The following PDE5A variants were observed in gnomAD, a reference collection of about 807,000 sequenced individuals.
The protein encoded by PDE5A is cGMP-specific 3',5'-cyclic phosphodiesterase.
A neutral mutation model predicts 110.2 loss-of-function variants in PDE5A; 67 were observed. That is an observed-to-expected ratio of 0.61 (90% CI 0.50 to 0.75). The LOEUF (loss-of-function observed/expected upper bound fraction) is 0.75. PDE5A is among the 30% of genes least tolerant of loss of function. PDE5A has a pLI of 0.00. For missense variants in PDE5A, 862 were observed against 1,045.1 expected, an observed-to-expected ratio of 0.82 and a Z score of 2.42; for synonymous variants, 328 against 351.2, an observed-to-expected ratio of 0.93 and a Z score of 0.74.
chr4:119,624,425 C>T (rs1445186559), intron 1 of PDE5A, among the ~76,000 whole-genome samples: 3 of 152,070 alleles, frequency 2.0e-5, no homozygotes, highest in African/African-American at 4.8e-5. Flanking sequence ...AAATGAAGGA[C>T]GGAATTCCAA....
chr4:119,615,257 C>T (rs935666235), intron 1 of PDE5A, among the ~76,000 whole-genome samples: 1 of 152,190 alleles, frequency 6.6e-6, no homozygotes, highest in Non-Finnish European at 1.5e-5. Flanking sequence ...TCTTCTGGCT[C>T]CTTCACTCAC....
intron 1 of PDE5A, among the ~76,000 whole-genome samples, chr4:119,610,425 T>G (rs1029415210): frequency 4.6e-5 from 7 of 152,212 alleles, no homozygotes; most frequent in Non-Finnish European, 1.0e-4. Flanking sequence ...CATATAAAAA[T>G]AGACATTTTA....
chr4:119,537,031 G>T (rs1465128904), intron 11 of PDE5A, among the ~76,000 whole-genome samples: 1 of 152,104 alleles, frequency 6.6e-6, no homozygotes, highest in East Asian at 1.9e-4. Context: ...GTATCCTCTT[G>T]TTTGGGCAAA....
intron 11 of PDE5A, among the ~76,000 whole-genome samples, chr4:119,534,885 G>A (rs991645903): frequency 1.3e-5 from 2 of 152,116 alleles, no homozygotes; most frequent in African/African-American, 4.8e-5. Context: ...GGAAGTTTTT[G>A]GCTCTGAAAG....
At chr4:119,565,458 A>T (rs762681729) in intron 4 of PDE5A, 48 bp from the exon 5 acceptor site, 1 of 1,225,334 alleles carries the variant, frequency 8.2e-7, no homozygotes, top group South Asian at 1.2e-5. Context: ...AAAACAGTCT[A>T]GTTACATTGC....
At position 119,542,561 on chromosome 4, in the gene PDE5A, CTG is replaced by C. The variant is rs1225724565; in HGVS notation, c.1468_1469del (p.Gln490ValfsTer20). On this transcript the variant is annotated frameshift_variant, in exon 10 of 21. Transcript: ENST00000354960. LOFTEE classifies it high-confidence loss of function. Reference protein sequence around the residue: ...KVKPFNRNDEQFLEAFVIFCG... With the variant: ...KVKPFNRNDEXFLEAFVIFCG... ...AAAAGATGACAAAAGCTTCCAGAAA[CTG>C]TTCGTCATTTCGGTTGAAAGGCTTA... The C allele has an allele frequency of 1.2e-6, 2 of 1,613,912 alleles. No individual in the cohort carries two copies. The highest frequency in any genetic ancestry group is 1.3e-5 in the African/African-American group (1 of 74,904).
chr4:119,512,095 A>G (rs558458245), intron 14 of PDE5A, among the ~76,000 whole-genome samples: 3 of 152,250 alleles, frequency 2.0e-5, no homozygotes, highest in African/African-American at 7.2e-5. Flanking sequence ...TATCTGAACG[A>G]TTATTTTACT....
intron 3 of PDE5A, among the ~76,000 whole-genome samples, chr4:119,567,946 T>C (rs1728001247): frequency 7.0e-6 from 1 of 143,030 alleles, no homozygotes; most frequent in Non-Finnish European, 1.6e-5. Flanking sequence ...TATTATCCTC[T>C]AACTGGCTAT....
At chr4:119,549,239 A>G (rs900048386) in intron 9 of PDE5A, 4 of 152,178 alleles carry the variant, frequency 2.6e-5, no homozygotes, top group African/African-American at 9.7e-5. Context: ...AGGTCTCCCA[A>G]ATTTTATTGA....
chr4:119,518,788 G>GAT (rs1413143613), intron 14 of PDE5A, among the ~76,000 whole-genome samples: 3 of 152,118 alleles, frequency 2.0e-5, no homozygotes, highest in Non-Finnish European at 4.4e-5. Flanking sequence ...TGTTAAGCTG[G>GAT]ATATATATAA....
intron 2 of PDE5A, among the ~76,000 whole-genome samples, chr4:119,599,356 A>C (rs1729262945): frequency 6.6e-6 from 1 of 152,164 alleles, no homozygotes. Context: ...ATAAAAAATG[A>C]CCCCAAGATG....
chr4:119,614,806 A>G (rs1729878709), intron 1 of PDE5A, among the ~76,000 whole-genome samples: 1 of 152,176 alleles, frequency 6.6e-6, no homozygotes, highest in African/African-American at 2.4e-5. Flanking sequence ...ACTTTCAGCC[A>G]TGAGTCCTGG....
At chr4:119,567,449 T>C (rs1230685555) in intron 3 of PDE5A, among the ~76,000 whole-genome samples, 1 of 152,200 alleles carries the variant, frequency 6.6e-6, no homozygotes, top group Admixed American at 6.5e-5. Context: ...ATATTTTCCA[T>C]AGTTTTTAAA....
intron 3 of PDE5A, among the ~76,000 whole-genome samples, chr4:119,572,532 C>A (rs548414609): frequency 1.3e-5 from 2 of 152,200 alleles, no homozygotes; most frequent in Non-Finnish European, 2.9e-5. Flanking sequence ...AACTTATAGC[C>A]TAAGGCGACA....
At chr4:119,565,644 ACTTTATCT>A (rs1312475953) in intron 4 of PDE5A, among the ~76,000 whole-genome samples, 1 of 152,032 alleles carries the variant, frequency 6.6e-6, no homozygotes, top group African/African-American at 2.4e-5. Context: ...TAAGATAAAG[ACTTTATCT>A]CTTTATACCA....
chr4:119,537,575 A>T (rs1442555998), intron 11 of PDE5A, among the ~76,000 whole-genome samples: 1 of 151,956 alleles, frequency 6.6e-6, no homozygotes, highest in East Asian at 1.9e-4. Flanking sequence ...CTAAGGCTAT[A>T]TTCACAGGAG....
chr4:119,519,820 T>C (rs1434088558), intron 13 of PDE5A, among the ~76,000 whole-genome samples: 1 of 152,132 alleles, frequency 6.6e-6, no homozygotes, highest in Non-Finnish European at 1.5e-5. Context: ...GTTTTCAGTG[T>C]TGATAATCCT....
chr4:119,496,335 A>G lies in PDE5A; in HGVS notation c.*2266T>C, dbSNP rs1270856992. 2 of 152,170 alleles carry G rather than the reference A, an allele frequency of 1.3e-5. No homozygotes were observed. The highest frequency in any genetic ancestry group is 4.8e-5 in the African/African-American group (2 of 41,466). 9.4% of individuals were successfully genotyped at this position (152,170 alleles called of 1,614,324 possible). On this transcript the variant is annotated 3_prime_UTR_variant, in exon 21 of 21. Coordinates refer to ENST00000354960, the MANE Select transcript of PDE5A (RefSeq NM_001083.4). ...AGGAAATTAAAAATTATTTGAACCA[A>G]TTAACCAGCCCTAAAGAAGTACTCT...
intron 9 of PDE5A, among the ~76,000 whole-genome samples, chr4:119,546,421 C>T (rs1442071689): frequency 6.6e-6 from 1 of 152,104 alleles, no homozygotes; most frequent in Non-Finnish European, 1.5e-5. Context: ...ATATGCCAGA[C>T]TATGGGTCTA....
Sources: allele counts gnomAD v4.1 joint callset (sites outside exome capture counted in the v4.1 genomes callset), GRCh38; gene constraint gnomAD v4.1.1; transcripts MANE v1.5; gene names NCBI Gene and HGNC (gene_info 2026-07-23, HGNC 2026-07-21).